Variants in RNF213 observed in about 807,000 individuals in gnomAD.
RNF213 encodes E3 ubiquitin-protein ligase RNF213.
Under a neutral mutation model 514.4 loss-of-function variants are expected in RNF213, and 341 were observed. The observed-to-expected ratio is 0.66, with a 90% CI of 0.61 to 0.73. RNF213 has a LOEUF of 0.73. Ranked by LOEUF, RNF213 falls within the 30% of genes least tolerant of loss-of-function variation. The pLI is 0.00. For missense variants in RNF213, 5,767 were observed against 6,615.6 expected (o/e 0.87, Z 4.45); for synonymous variants, 2,655 against 2,658.2 (o/e 1.00, Z 0.04).
chr17:80,294,928 C>T lies in RNF213; in HGVS notation c.1680C>T (p.Cys560=), dbSNP rs1598943599. The T allele has an allele frequency of 1.2e-6, 2 of 1,614,096 alleles. No homozygotes were observed. The highest frequency in any genetic ancestry group is 2.7e-5 in the African/African-American group (2 of 74,934). Residue 560 remains cysteine, a synonymous_variant, in exon 9 of 68, where the codon TGC becomes TGT. Transcript: ENST00000582970. ...NSFFTQFEQF[C]FVLQQPMIYE... is the part of the protein sequence containing the mutation. ...TCTTCACCCAGTTCGAGCAGTTTTGCTTTGTCCTGCAACAGCCTATGATTT... is the reference window on the plus strand; with the variant it reads ...TCTTCACCCAGTTCGAGCAGTTTTGTTTTGTCCTGCAACAGCCTATGATTT...
chr17:80,285,261 C>T (rs892614867), intron 3 of RNF213, among the ~76,000 whole-genome samples: 1 of 152,232 alleles, frequency 6.6e-6, no homozygotes, highest in South Asian at 2.1e-4. Flanking sequence ...CTGAGGCCCA[C>T]GGTGGCTCAG....
intron 62 of RNF213, 130 bp downstream of exon 62, chr17:80,386,560 A>T: frequency 7.1e-7 from 1 of 1,399,480 alleles, no homozygotes; most frequent in Non-Finnish European, 1.0e-6. Flanking sequence ...CCCACCAGTG[A>T]CCCGCCCCAT....
intron 67 of RNF213, among the ~76,000 whole-genome samples, chr17:80,393,029 G>A (rs568008577): frequency 6.6e-6 from 1 of 152,076 alleles, no homozygotes; most frequent in African/African-American, 2.4e-5. Context: ...CCAGGCTGGA[G>A]TGCAGTTGTG....
At chr17:80,333,907 T>A in intron 21 of RNF213, 198 bp from the exon 22 acceptor site, 1 of 595,128 alleles carries the variant, frequency 1.7e-6, no homozygotes, top group Non-Finnish European at 3.0e-6. Flanking sequence ...TCACAGTTCA[T>A]CTTGATCAGG....
chr17:80,348,477 G>T (rs559787096), intron 29 of RNF213, among the ~76,000 whole-genome samples, 191 bp downstream of exon 29: 1 of 152,366 alleles, frequency 6.6e-6, no homozygotes, highest in South Asian at 2.1e-4. Flanking sequence ...GCCTGGCTCT[G>T]TGCAGTGCAC....
chr17:80,307,342 G>A, intron 13 of RNF213, 141 bp downstream of exon 13: 1 of 655,198 alleles, frequency 1.5e-6, no homozygotes, highest in South Asian at 1.6e-5. Flanking sequence ...TCTCTTCTCA[G>A]GTTATTAATA....
chr17:80,387,421 G>C (rs1186069791), intron 63 of RNF213, among the ~76,000 whole-genome samples: 1 of 152,210 alleles, frequency 6.6e-6, no homozygotes, highest in African/African-American at 2.4e-5. Context: ...TTGAGGTCTT[G>C]ATTCTACCAG....
At chr17:80,383,198 G>T (rs893282979) in intron 58 of RNF213, 128 bp downstream of exon 58, 1 of 715,830 alleles carries the variant, frequency 1.4e-6, no homozygotes, top group Admixed American at 2.0e-5. Context: ...CTGAGCCCCA[G>T]ATTCCAATGC....
intron 2 of RNF213, among the ~76,000 whole-genome samples, chr17:80,268,354 GAA>G (rs898719348): frequency 2.7e-5 from 2 of 73,188 alleles, no homozygotes; most frequent in Non-Finnish European, 4.9e-5. Context: ...CCCTGTCTCA[GAA>G]AAAAAAAAAA....
intron 23 of RNF213, chr17:80,336,608 C>A: frequency 3.5e-6 from 2 of 575,032 alleles, no homozygotes; most frequent in Admixed American, 2.5e-5. Flanking sequence ...GTGCAAAACA[C>A]ACGTGGAAAA....
Position 80,298,468 on chromosome 17 carries a change from C to T in RNF213, c.2160C>T (p.Ala720=), listed in dbSNP as rs201599942. ...GGAGACAGCCTGAGGACACCTGGGCCGCTCTGGAGGGACTCTCCTTCTCAC... is the reference window on the plus strand; with the variant it reads ...GGAGACAGCCTGAGGACACCTGGGCTGCTCTGGAGGGACTCTCCTTCTCAC... ...DAWRQPEDTW[A]ALEGLSFSPF... is the part of the protein sequence containing the mutation. Residue 720 remains alanine (A), a synonymous_variant, in exon 11 of 68, where the codon GCC becomes GCT. Coordinates refer to ENST00000582970, the MANE Select transcript of RNF213 (RefSeq NM_001256071.3). 2.3e-5 allele frequency: 37 copies of T among 1,614,158 alleles called. No individual in the cohort carries two copies. Among genetic ancestry groups the T allele is most frequent in the African/African-American group, 1.7e-4 (13 of 75,038 alleles).
At chr17:80,310,304 G>C (rs1442569426) in intron 14 of RNF213, among the ~76,000 whole-genome samples, 1 of 152,134 alleles carries the variant, frequency 6.6e-6, no homozygotes, top group African/African-American at 2.4e-5. Context: ...CCAGGCTGGA[G>C]TGTAGTGGCG....
At chr17:80,298,277 C>T (rs1373691128) in intron 10 of RNF213, 44 bp from the exon 11 acceptor site, 2 of 1,603,234 alleles carry the variant, frequency 1.2e-6, no homozygotes, top group Non-Finnish European at 1.7e-6. Context: ...GGAGATGACT[C>T]CCTGGCCAGC....
At chr17:80,298,792 C>T (rs2045061099) in intron 11 of RNF213, 1 of 363,016 alleles carries the variant, frequency 2.8e-6, no homozygotes, top group African/African-American at 2.1e-5. Context: ...TGGTGAAAAC[C>T]CGTCTGTACG....
chr17:80,340,608 GGTTTTTT>G, intron 26 of RNF213: 1 of 224,788 alleles, frequency 4.4e-6, no homozygotes, highest in Middle Eastern at 1.4e-3. Context: ...TGTACTTTGT[GGTTTTTT>G]TTTTTTTTTT....
At chr17:80,290,527 C>A (rs753096389) in intron 6 of RNF213, 43 bp from the exon 7 acceptor site, 10 of 1,611,926 alleles carry the variant, frequency 6.2e-6, no homozygotes, top group Non-Finnish European at 8.5e-6. Flanking sequence ...GGCAGGTGGA[C>A]AGATCTCACG....
At chr17:80,380,384 G>C (rs1056169421) in intron 55 of RNF213, among the ~76,000 whole-genome samples, 3 of 152,202 alleles carry the variant, frequency 2.0e-5, no homozygotes, top group East Asian at 1.9e-4. Context: ...TTGCCACTGA[G>C]AGCATCGGCC....
chr17:80,366,804 G>A (rs6565680), intron 42 of RNF213, among the ~76,000 whole-genome samples: 74,909 of 152,062 alleles, frequency 0.49, 19,773 homozygotes, highest in Non-Finnish European at 0.59. Context: ...CTTGGAACAG[G>A]AAGGAACTCT....
At chr17:80,269,719 CATCTATCCCATCTTATCT>C in intron 2 of RNF213, among the ~76,000 whole-genome samples, 1 of 152,168 alleles carries the variant, frequency 6.6e-6, no homozygotes, top group East Asian at 1.9e-4. Flanking sequence ...TCTATCCATT[CATCTATCCCATCTTATCT>C]ATCCATCCCA....
Sources: allele counts gnomAD v4.1 joint callset (sites outside exome capture counted in the v4.1 genomes callset), GRCh38; gene constraint gnomAD v4.1.1; transcripts MANE v1.5; gene names NCBI Gene and HGNC (gene_info 2026-07-23, HGNC 2026-07-21).